Variants in USP32 observed in about 807,000 individuals in gnomAD.
USP32 encodes the protein ubiquitin carboxyl-terminal hydrolase 32.
USP32 carries 59 observed loss-of-function variants against 204.8 expected under a neutral mutation model. The observed-to-expected ratio is 0.29, with a 90% confidence interval of 0.23 to 0.36. The LOEUF is 0.36. USP32 is among the 10% of genes least tolerant of loss of function. The pLI, the probability that USP32 is intolerant of heterozygous loss-of-function variation, is 1.00. For missense variants in USP32, 1,160 were observed against 1,946.4 expected (o/e 0.60, Z 7.60); for synonymous variants, 517 against 678.4 (o/e 0.76, Z 3.70).
intron 11 of USP32, among the ~76,000 whole-genome samples, chr17:60,247,875 G>A (rs2086074095): frequency 2.0e-5 from 3 of 152,014 alleles, no homozygotes; most frequent in East Asian, 1.9e-4. Context: ...TAGTAGAGAC[G>A]GGGTTTCACC....
At chr17:60,260,561 A>C (rs1015625397) in intron 9 of USP32, among the ~76,000 whole-genome samples, 3 of 151,934 alleles carry the variant, frequency 2.0e-5, no homozygotes, top group Non-Finnish European at 2.9e-5. Flanking sequence ...GCATAATCAT[A>C]ATGGAATACT....
At chr17:60,297,710 G>C (rs2145879123) in intron 3 of USP32, among the ~76,000 whole-genome samples, 1 of 152,158 alleles carries the variant, frequency 6.6e-6, no homozygotes, top group South Asian at 2.1e-4. Flanking sequence ...CAAAGTGCTG[G>C]GATTACAGGT....
At chr17:60,413,861 C>CAAAAAAAAAAAAAAAAA (rs1307789444) in intron 1 of USP32, among the ~76,000 whole-genome samples, 1 of 31,698 alleles carries the variant, frequency 3.2e-5, no homozygotes, top group African/African-American at 1.2e-4. Flanking sequence ...GATTCTGTCT[C>CAAAAAAAAAAAAAAAAA]AAAAAAAAAA....
intron 1 of USP32, among the ~76,000 whole-genome samples, chr17:60,369,219 C>T (rs941490684): frequency 1.3e-4 from 18 of 137,666 alleles, no homozygotes; most frequent in Non-Finnish European, 1.9e-4. Flanking sequence ...TGGTCTCGAT[C>T]TCCTGACCTC....
intron 5 of USP32, among the ~76,000 whole-genome samples, chr17:60,280,706 A>G (rs2086947871): frequency 6.6e-6 from 1 of 152,248 alleles, no homozygotes; most frequent in Non-Finnish European, 1.5e-5. Flanking sequence ...AGTTAATAAC[A>G]TTCCCTATTT....
chr17:60,266,201 T>C (rs1024671113), intron 7 of USP32, 110 bp from the exon 8 acceptor site: 2 of 749,656 alleles, frequency 2.7e-6, no homozygotes, highest in East Asian at 2.6e-5. Context: ...AGCAAGTATA[T>C]GTATTCTGGA....
At chr17:60,190,533 C>A in intron 29 of USP32, 30 bp downstream of exon 29, 2 of 1,511,340 alleles carry the variant, frequency 1.3e-6, no homozygotes, top group South Asian at 1.3e-5. Context: ...ATATAAAAAC[C>A]ACCATTTTAT....
intron 6 of USP32, 95 bp downstream of exon 6, chr17:60,271,255 T>C: frequency 2.7e-6 from 4 of 1,463,322 alleles, no homozygotes; most frequent in African/African-American, 1.4e-5. Flanking sequence ...TATGAGAAGA[T>C]GGTTTCTTAG....
chr17:60,408,055 G>C (rs975295259), intron 1 of USP32, among the ~76,000 whole-genome samples: 2 of 151,762 alleles, frequency 1.3e-5, no homozygotes, highest in African/African-American at 2.4e-5. Context: ...CTGAGATGTC[G>C]CCACTGCACT....
chr17:60,361,539 G>A (rs1429295524), intron 1 of USP32, among the ~76,000 whole-genome samples: 1 of 152,124 alleles, frequency 6.6e-6, no homozygotes, highest in Admixed American at 6.5e-5. Context: ...GAGCACTAGG[G>A]TCATTCCCAG....
At chr17:60,390,619 C>T (rs572689757) in intron 1 of USP32, among the ~76,000 whole-genome samples, 1 of 152,314 alleles carries the variant, frequency 6.6e-6, no homozygotes, top group South Asian at 2.1e-4. Context: ...AATTCTGTAT[C>T]TTACTGTCAG....
intron 1 of USP32, among the ~76,000 whole-genome samples, chr17:60,351,841 T>A (rs2088957980): frequency 6.6e-6 from 1 of 152,234 alleles, no homozygotes; most frequent in East Asian, 1.9e-4. Context: ...AAAATAACTA[T>A]AATACCAAAT....
At chr17:60,263,902 C>A (rs575848697) in intron 9 of USP32, among the ~76,000 whole-genome samples, 1 of 152,198 alleles carries the variant, frequency 6.6e-6, no homozygotes, top group African/African-American at 2.4e-5. Flanking sequence ...TTATTCTAAA[C>A]CTCTATTTAA....
chr17:60,218,747 C>T lies in USP32; in HGVS notation c.1867+923G>A, dbSNP rs144748838. ...GCCTCCCAAGTAGCTGAAATTACAG[C>T]ACCACCACGCCCAGCTAATTTTTGT... On this transcript the variant is annotated intron_variant, in intron 16 of 33. Transcript: ENST00000300896. 9.4e-3 allele frequency among the ~76,000 whole-genome samples: 1,424 copies of T among 152,210 alleles called. 6 individuals carry two copies. Among genetic ancestry groups the T allele is most frequent in the Middle Eastern group, 0.017 (5 of 294 alleles).
At chr17:60,182,555 G>T (rs1005354358) in intron 31 of USP32, among the ~76,000 whole-genome samples, 1 of 152,166 alleles carries the variant, frequency 6.6e-6, no homozygotes, top group Non-Finnish European at 1.5e-5. Flanking sequence ...TTGGGCACAG[G>T]AGTTCGAGCC....
chr17:60,400,594 T>A (rs769039317), intron 1 of USP32, among the ~76,000 whole-genome samples: 1 of 152,320 alleles, frequency 6.6e-6, no homozygotes, highest in East Asian at 1.9e-4. Flanking sequence ...TTTGGACATA[T>A]TACATTTGAG....
intron 11 of USP32, among the ~76,000 whole-genome samples, chr17:60,242,583 G>T (rs2085907539): frequency 6.6e-6 from 1 of 151,968 alleles, no homozygotes; most frequent in Admixed American, 6.6e-5. Flanking sequence ...GCTAATTTTT[G>T]TGTTTTTAGT....
chr17:60,357,415 T>C (rs964750343), intron 1 of USP32, among the ~76,000 whole-genome samples: 18 of 152,090 alleles, frequency 1.2e-4, no homozygotes. Context: ...ATTGAACCCC[T>C]GCACTCCAGC....
At chr17:60,275,914 T>TAAAA (rs763663202) in intron 5 of USP32, among the ~76,000 whole-genome samples, 16 of 139,540 alleles carry the variant, frequency 1.1e-4, no homozygotes, top group African/African-American at 3.9e-4. Context: ...TGTCTCTATT[T>TAAAA]AAAAAAAAAA....
Sources: gnomAD v4.1 joint callset for allele counts (sites outside exome capture counted in the v4.1 genomes callset) on GRCh38, gnomAD v4.1.1 for gene constraint, MANE v1.5 for transcripts, NCBI Gene and HGNC (gene_info 2026-07-23, HGNC 2026-07-21) for gene names.